The following GNPNAT1 variants were observed in gnomAD, a reference collection of about 807,000 sequenced individuals.
The protein encoded by GNPNAT1 is glucosamine-phosphate N-acetyltransferase 1.
Under a neutral mutation model 19.8 loss-of-function variants are expected in GNPNAT1, and 11 were observed. The observed-to-expected ratio is 0.56, with a 90% CI of 0.35 to 0.92. The LOEUF (loss-of-function observed/expected upper bound fraction) is 0.92. Among genes scored for constraint, GNPNAT1 ranks in the 40% least tolerant of loss-of-function variants. The probability of loss-of-function intolerance (pLI) is 0.01; values close to 1 mark genes in which losing one functional copy is unlikely to be tolerated. For missense variants in GNPNAT1, 157 were observed against 211.0 expected (o/e 0.74, Z 1.59); for synonymous variants, 71 against 72.3 (o/e 0.98, Z 0.09).
chr14:52,785,766 A>G, intron 1 of GNPNAT1, among the ~76,000 whole-genome samples: 1 of 137,094 alleles, frequency 7.3e-6, no homozygotes, highest in African/African-American at 2.7e-5. Context: ...TTTTTTTTTG[A>G]GATGGAGTTT....
chr14:52,789,630 TG>T (rs1883107192), intron 1 of GNPNAT1, among the ~76,000 whole-genome samples: 1 of 152,148 alleles, frequency 6.6e-6, no homozygotes, highest in Non-Finnish European at 1.5e-5. Flanking sequence ...AAGCAAGATA[TG>T]ACTTGAAACC....
chr14:52,778,557 T>G, intron 5 of GNPNAT1, 99 bp from the exon 6 acceptor site: 1 of 1,051,200 alleles, frequency 9.5e-7, no homozygotes, highest in Non-Finnish European at 1.4e-6. Flanking sequence ...TTAAGTTTCC[T>G]TAGAAACAGG....
intron 1 of GNPNAT1, among the ~76,000 whole-genome samples, chr14:52,790,916 C>A (rs1320788803): frequency 6.6e-6 from 1 of 152,182 alleles, no homozygotes. Context: ...GAAAAAGAGA[C>A]AAAGAATGTC....
At chr14:52,780,616 T>C (rs375478621) in intron 5 of GNPNAT1, 63 bp downstream of exon 5, 30 of 980,188 alleles carry the variant, frequency 3.1e-5, no homozygotes, top group South Asian at 2.3e-4. Flanking sequence ...CAAACAAGTA[T>C]CTTGTTAAGA....
chr14:52,778,537 G>T, intron 5 of GNPNAT1, 79 bp from the exon 6 acceptor site: 1 of 1,245,576 alleles, frequency 8.0e-7, no homozygotes, highest in Non-Finnish European at 1.1e-6. Flanking sequence ...ATGAATTAAT[G>T]TTATAAAACT....
chr14:52,779,780 A>T (rs1182934636), intron 5 of GNPNAT1, among the ~76,000 whole-genome samples: 1 of 151,786 alleles, frequency 6.6e-6, no homozygotes, highest in East Asian at 1.9e-4. Flanking sequence ...AACACAAGAA[A>T]TCGGTCTGTT....
intron 1 of GNPNAT1, among the ~76,000 whole-genome samples, chr14:52,785,387 A>AT (rs1882990769): frequency 1.3e-5 from 2 of 151,988 alleles, no homozygotes; most frequent in African/African-American, 2.4e-5. Flanking sequence ...GGGGAAAAAA[A>AT]TTTTTTTTAA....
intron 5 of GNPNAT1, among the ~76,000 whole-genome samples, chr14:52,780,166 CCT>C (rs1346903825): frequency 6.6e-6 from 1 of 151,938 alleles, no homozygotes; most frequent in African/African-American, 2.4e-5. Flanking sequence ...AAAAACAGAC[CCT>C]GTCTCAAAAA....
In GNPNAT1 at chr14:52,777,673, A is replaced by G. The variant is rs989640639; in HGVS notation, c.*638T>C. Reference sequence around the variant, plus strand: ...GACAAGTGGTACTTTTTATCTACATAGACTATACTATATAAACTTTCAGTA... The same window carrying G: ...GACAAGTGGTACTTTTTATCTACATGGACTATACTATATAAACTTTCAGTA... On this transcript the variant is annotated 3_prime_UTR_variant, in exon 6 of 6. Transcript: ENST00000216410. 3 of 152,226 alleles carry G rather than the reference A, an allele frequency of 2.0e-5. No individual in the cohort carries two copies. The highest frequency in any genetic ancestry group is 4.8e-5 in the African/African-American group (2 of 41,464). 9.4% of individuals were successfully genotyped at this position (152,226 alleles called of 1,614,324 possible).
chr14:52,780,919 GAGA>G (rs1185118814), intron 4 of GNPNAT1, among the ~76,000 whole-genome samples, 179 bp from the exon 5 acceptor site: 2 of 152,100 alleles, frequency 1.3e-5, no homozygotes, highest in Non-Finnish European at 2.9e-5. Context: ...TACAACTTAT[GAGA>G]AGGAGAGATC....
chr14:52,784,160 A>G lies in GNPNAT1; in HGVS notation c.154+337T>C, dbSNP rs544978677. 1.3e-4 allele frequency among the ~76,000 whole-genome samples: 20 copies of G among 152,358 alleles called. No homozygotes were observed. In the South Asian group the frequency reaches 3.9e-3, roughly 30 times the overall value. ...TATAAAAACCCTTTCAATTTATCCAAGGAAAATTATTTCCACCTTCATTCC... is the reference window on the plus strand; with the variant it reads ...TATAAAAACCCTTTCAATTTATCCAGGGAAAATTATTTCCACCTTCATTCC... On this transcript the variant is annotated intron_variant, in intron 2 of 5. Coordinates refer to ENST00000216410, the MANE Select transcript of GNPNAT1 (RefSeq NM_198066.4).
At chr14:52,785,638 G>A (rs867031288) in intron 1 of GNPNAT1, among the ~76,000 whole-genome samples, 19 of 151,632 alleles carry the variant, frequency 1.3e-4, no homozygotes, top group East Asian at 6.1e-4. Context: ...CAGGAGAATC[G>A]CCTCAGAACC....
At position 52,775,827 on chromosome 14, in the gene GNPNAT1, G is replaced by A. The variant is rs142127803; in HGVS notation, c.*2484C>T. ...GAACCCAGGAACTGGAGGATGCAGT[G>A]AGCTATGATCACACCACTGGACTCC... On this transcript the variant is annotated 3_prime_UTR_variant, in exon 6 of 6. Transcript: ENST00000216410. 1.2e-3 allele frequency: 189 copies of A among 152,480 alleles called. No homozygotes were observed. The highest frequency in any genetic ancestry group is 4.4e-3 in the African/African-American group (181 of 41,526). 9.4% of individuals were successfully genotyped at this position (152,480 alleles called of 1,614,324 possible). A position where few individuals can be genotyped will look rare whatever the true frequency, so the allele number is the denominator to read the frequency against.
At position 52,776,779 on chromosome 14, in the gene GNPNAT1, A is replaced by C. The variant is rs1480613831; in HGVS notation, c.*1532T>G. 6.6e-6 allele frequency: 1 copy of C among 151,954 alleles called. No individual in the cohort carries two copies. 9.4% of individuals were successfully genotyped at this position (151,954 alleles called of 1,614,324 possible). On this transcript the variant is annotated 3_prime_UTR_variant, in exon 6 of 6. Coordinates refer to ENST00000216410, the MANE Select transcript of GNPNAT1 (RefSeq NM_198066.4). ...ACCATTTTGGTCAGGCTGGTCTCAA[A>C]CTCCTGACCTTGTGATCTGCCCACC...
In GNPNAT1 at chr14:52,776,988, T is replaced by C. The variant is rs1245937003; in HGVS notation, c.*1323A>G. The C allele has an allele frequency of 6.6e-6, 1 of 152,220 alleles. No individual in the cohort carries two copies. Among genetic ancestry groups the C allele is most frequent in the Non-Finnish European group, 1.5e-5 (1 of 68,034 alleles). The allele number at this position is 152,220 out of a possible 1,614,324, so 9.4% of individuals were successfully genotyped here. A position where few individuals can be genotyped will look rare whatever the true frequency, so the allele number is the denominator to read the frequency against. ...TTGCGTTTCACGAAGGACAGATCAGTTCGTCTGTATAGGCTATAAGCAGGT... is the reference window on the plus strand; with the variant it reads ...TTGCGTTTCACGAAGGACAGATCAGCTCGTCTGTATAGGCTATAAGCAGGT... On this transcript the variant is annotated 3_prime_UTR_variant, in exon 6 of 6. Transcript: ENST00000216410.
intron 1 of GNPNAT1, among the ~76,000 whole-genome samples, chr14:52,786,554 A>G (rs2139971801): frequency 6.6e-6 from 1 of 152,250 alleles, no homozygotes; most frequent in African/African-American, 2.4e-5. Flanking sequence ...AGTTGCATCT[A>G]AGCAGCTTAA....
intron 4 of GNPNAT1, 114 bp from the exon 5 acceptor site, chr14:52,780,854 CA>C (rs1353494314): frequency 2.7e-5 from 17 of 632,346 alleles, no homozygotes; most frequent in Non-Finnish European, 4.4e-5. Context: ...TTGAACTTAA[CA>C]GAAATCAAAT....
rs1882990278 is a variant in GNPNAT1, at chr14:52,785,372, T to A, written c.-14-708A>T. On this transcript the variant is annotated intron_variant, in intron 1 of 5. Coordinates refer to ENST00000216410, the MANE Select transcript of GNPNAT1 (RefSeq NM_198066.4). The stretch of plus-strand genomic sequence containing the variant: ...GAAGGCATCTGTTTCAACAGGAAAT[T>A]GCAAGGGGAAAAAAATTTTTTTTAA... Among the ~76,000 whole-genome samples the A allele has an allele frequency of 5.3e-5, 8 of 152,286 alleles. No individual in the cohort carries two copies. In the South Asian group the frequency reaches 1.5e-3, roughly 28 times the overall value.
chr14:52,783,449 C>T lies in GNPNAT1; in HGVS notation c.191G>A (p.Gly64Glu). The T allele has an allele frequency of 6.2e-7, 1 of 1,610,854 alleles. No individual in the cohort carries two copies. The highest frequency in any genetic ancestry group is 8.5e-7 in the Non-Finnish European group (1 of 1,177,460). ...FKVLGQLTETGVVSPEQFMKS... is the reference protein window; with the variant it reads ...FKVLGQLTETEVVSPEQFMKS... ...CATAAATTGTTCAGGGCTGACAACT[C>T]CAGTCTCTGTTAGCTGACCCAATAC... is the stretch of plus-strand genomic sequence containing the variant. The change falls in exon 3 of 6, where the codon GGA becomes GAA. Residue 64 changes from glycine (G) to glutamate (E), a missense_variant. Transcript: ENST00000216410.
Sources: allele counts gnomAD v4.1 joint callset (sites outside exome capture counted in the v4.1 genomes callset), GRCh38; gene constraint gnomAD v4.1.1; transcripts MANE v1.5; gene names NCBI Gene and HGNC (gene_info 2026-07-23, HGNC 2026-07-21).